The following C12orf42 variants were observed in gnomAD, a reference collection of about 807,000 sequenced individuals.
C12orf42 encodes the protein chromosome 12 open reading frame 42, also known as uncharacterized protein C12orf42.
Under a neutral mutation model 21.6 loss-of-function variants are expected in C12orf42, and 25 were observed. The observed-to-expected ratio is 1.16, with a 90% CI of 0.84 to 1.62. The LOEUF (loss-of-function observed/expected upper bound fraction) is 1.62, where lower values mean the gene tolerates loss of function less well. C12orf42 is among the 40% of genes most tolerant of loss of function. C12orf42 has a pLI of 0.00. For synonymous variants in C12orf42, 174 were observed against 175.0 expected, an observed-to-expected ratio of 0.99 and a Z score of 0.05; for missense variants, 483 against 459.3, an observed-to-expected ratio of 1.05 and a Z score of -0.47.
At chr12:103,062,563 G>T in the C12orf42 span, among the ~76,000 whole-genome samples, 9 of 151,758 alleles carry the variant, frequency 5.9e-5, no homozygotes, top group South Asian at 2.1e-4. Context: ...CATGATTTTG[G>T]CCATTATTTC....
chr12:103,250,865 C>A (rs1452351417), intron 10 of C12orf42, among the ~76,000 whole-genome samples: 2 of 149,504 alleles, frequency 1.3e-5, no homozygotes, highest in African/African-American at 5.0e-5. Context: ...CCTTGAGATT[C>A]TTTTATCACT....
chr12:103,047,626 A>G, the C12orf42 span, among the ~76,000 whole-genome samples: 2 of 152,230 alleles, frequency 1.3e-5, no homozygotes, highest in Non-Finnish European at 2.9e-5. Flanking sequence ...CTCAATACTT[A>G]GAGGCTTAAA....
exon 7 of C12orf42, chr12:103,268,940 A>T (rs1295255355): frequency 6.6e-6 from 1 of 152,150 alleles, no homozygotes; most frequent in African/African-American, 2.4e-5. Context: ...TCAAGAAGGC[A>T]GGTGCAGGAT....
At chr12:103,207,145 T>C in the C12orf42 span, among the ~76,000 whole-genome samples, 1 of 152,194 alleles carries the variant, frequency 6.6e-6, no homozygotes, top group African/African-American at 2.4e-5. Flanking sequence ...AGAGAAGTAA[T>C]ATCCCAGACA....
At chr12:103,320,906 T>C (rs189729363) in intron 4 of C12orf42, among the ~76,000 whole-genome samples, 3 of 152,248 alleles carry the variant, frequency 2.0e-5, no homozygotes, top group Admixed American at 1.3e-4. Flanking sequence ...TAAAAAAAAA[T>C]AGTTGTAAGT....
At position 103,451,464 on chromosome 12, in the gene C12orf42, G is replaced by A. The variant is rs570300128; in HGVS notation, c.78+26885C>T. ...CCTGGGTTCAAGGGATCCTAGCACC[G>A]CACCCTCCCAAAGTGCTGGAATAAC... On this transcript the variant is annotated intron_variant, in intron 2 of 5. Transcript: ENST00000548883. Among the ~76,000 whole-genome samples, 16 of 152,006 alleles carry A rather than the reference G, an allele frequency of 1.1e-4. 1 individual carries two copies. Among genetic ancestry groups the A allele is most frequent in the South Asian group, 1.0e-3 (5 of 4,814 alleles).
intron 4 of C12orf42, among the ~76,000 whole-genome samples, chr12:103,353,154 A>C (rs1442155500): frequency 6.6e-6 from 1 of 152,078 alleles, no homozygotes; most frequent in Admixed American, 6.6e-5. Flanking sequence ...AGTTTTCCCT[A>C]AGGCGCAAAA....
At chr12:103,062,564 C>T in the C12orf42 span, among the ~76,000 whole-genome samples, 12 of 152,040 alleles carry the variant, frequency 7.9e-5, no homozygotes, top group African/African-American at 2.9e-4. Flanking sequence ...ATGATTTTGG[C>T]CATTATTTCT....
chr12:103,409,934 AATGTT>A (rs1325421777), intron 2 of C12orf42, among the ~76,000 whole-genome samples: 1 of 152,174 alleles, frequency 6.6e-6, no homozygotes, highest in Non-Finnish European at 1.5e-5. Flanking sequence ...AATTAACCCA[AATGTT>A]ATTTAGAGTC....
intron 2 of C12orf42, among the ~76,000 whole-genome samples, chr12:103,470,384 C>T (rs1215634580): frequency 6.6e-6 from 1 of 152,198 alleles, no homozygotes; most frequent in Admixed American, 6.5e-5. Context: ...TCTCAAGAGA[C>T]CATCTATAAT....
chr12:103,075,157 A>G, the C12orf42 span, among the ~76,000 whole-genome samples: 1 of 152,156 alleles, frequency 6.6e-6, no homozygotes, highest in Non-Finnish European at 1.5e-5. Flanking sequence ...TTCAATAGCA[A>G]AAGTTCTTTT....
the C12orf42 span, among the ~76,000 whole-genome samples, chr12:103,140,896 C>T: frequency 1.3e-5 from 2 of 152,104 alleles, no homozygotes; most frequent in Admixed American, 6.5e-5. Context: ...CATGCAACAT[C>T]CCTGATGTAT....
chr12:103,513,634 T>A, the C12orf42 span, among the ~76,000 whole-genome samples: 23 of 152,356 alleles, frequency 1.5e-4, no homozygotes, highest in Admixed American at 3.9e-4. Context: ...AATCCAACTC[T>A]GGACCTGCAG....
chr12:103,305,081 C>T (rs1237739858), intron 5 of C12orf42, among the ~76,000 whole-genome samples: 1 of 152,150 alleles, frequency 6.6e-6, no homozygotes, highest in African/African-American at 2.4e-5. Flanking sequence ...TACACTAACA[C>T]TGATGATAGC....
At chr12:103,202,601 A>T in the C12orf42 span, among the ~76,000 whole-genome samples, 6 of 152,270 alleles carry the variant, frequency 3.9e-5, no homozygotes, top group Admixed American at 3.9e-4. Context: ...TGCCACAGGA[A>T]GTTTTCTGCT....
intron 4 of C12orf42, among the ~76,000 whole-genome samples, chr12:103,354,397 G>T (rs1338636198): frequency 6.6e-6 from 1 of 152,080 alleles, no homozygotes; most frequent in Admixed American, 6.6e-5. Flanking sequence ...TCCAAGTCAT[G>T]GTCCCTATGC....
intron 1 of C12orf42, among the ~76,000 whole-genome samples, chr12:103,491,294 C>T (rs1955168150): frequency 6.6e-6 from 1 of 152,116 alleles, no homozygotes; most frequent in Non-Finnish European, 1.5e-5. Flanking sequence ...ATTTTAACTG[C>T]ATAGTTTACC....
At chr12:103,074,530 A>G in the C12orf42 span, among the ~76,000 whole-genome samples, 7 of 152,164 alleles carry the variant, frequency 4.6e-5, no homozygotes, top group Non-Finnish European at 1.0e-4. Flanking sequence ...GTGCAAAGAT[A>G]GGGCACCCCT....
the C12orf42 span, among the ~76,000 whole-genome samples, chr12:103,084,391 C>T: frequency 6.6e-6 from 1 of 152,078 alleles, no homozygotes; most frequent in Non-Finnish European, 1.5e-5. Context: ...TTATACACTA[C>T]TTTTTTTTAA....
Sources: allele counts gnomAD v4.1 joint callset (sites outside exome capture counted in the v4.1 genomes callset), GRCh38; gene constraint gnomAD v4.1.1; transcripts MANE v1.5; gene names NCBI Gene and HGNC (gene_info 2026-07-23, HGNC 2026-07-21).